C1QTNF7: variants seen among roughly 807,000 people sequenced by gnomAD.
C1QTNF7 encodes C1q and TNF related 7, also known as complement C1q tumor necrosis factor-related protein 7.
In C1QTNF7, 15 loss-of-function variants were observed where a neutral mutation model predicts 19.6. The ratio of observed to expected loss-of-function variants is 0.76; its 90% CI spans 0.51 to 1.18. The LOEUF is 1.18. Among genes scored for constraint, C1QTNF7 ranks in the 50% most tolerant of loss-of-function variants. C1QTNF7 has a pLI of 0.00. For synonymous variants in C1QTNF7, 142 were observed against 137.5 expected (o/e 1.03, Z -0.23); for missense variants, 324 against 359.7 (o/e 0.90, Z 0.80).
At chr4:15,423,992 TG>T (rs1414802776), upstream of C1QTNF7, among the ~76,000 whole-genome samples, 1 of 152,242 alleles carries the variant, frequency 6.6e-6, no homozygotes, top group Non-Finnish European at 1.5e-5. Flanking sequence ...TGGTATTAAC[TG>T]TCCTTAATAT....
intron 1 of C1QTNF7, among the ~76,000 whole-genome samples, chr4:15,371,413 C>T (rs1279647300): frequency 1.3e-5 from 2 of 152,286 alleles, no homozygotes; most frequent in East Asian, 1.9e-4. Context: ...CCCCGGCTTG[C>T]CCCTGTCTAA....
intron 1 of C1QTNF7, among the ~76,000 whole-genome samples, chr4:15,400,819 T>G (rs1404089908): frequency 6.6e-6 from 1 of 152,244 alleles, no homozygotes; most frequent in African/African-American, 2.4e-5. Context: ...TTATGTTACA[T>G]GCTCACTATG....
intron 1 of C1QTNF7, chr4:15,381,705 A>C (rs894972930): frequency 1.3e-5 from 2 of 152,208 alleles, no homozygotes; most frequent in Non-Finnish European, 2.9e-5. Flanking sequence ...GGCTAGCATG[A>C]ACTAGACATT....
chr4:15,425,805 T>C (rs535880452), upstream of C1QTNF7, among the ~76,000 whole-genome samples: 3 of 152,304 alleles, frequency 2.0e-5, no homozygotes, highest in South Asian at 6.2e-4. Context: ...AGCTAGAACC[T>C]TCTTTTTAAA....
chr4:15,411,874 C>A (rs1467277044), intron 1 of C1QTNF7, among the ~76,000 whole-genome samples: 2 of 152,032 alleles, frequency 1.3e-5, no homozygotes, highest in African/African-American at 4.8e-5. Flanking sequence ...CAGGAGTCCC[C>A]AGTCCCTGAA....
At chr4:15,344,186 G>C (rs975898401) in intron 1 of C1QTNF7, among the ~76,000 whole-genome samples, 3 of 152,334 alleles carry the variant, frequency 2.0e-5, no homozygotes, top group Admixed American at 1.3e-4. Flanking sequence ...GATAAGCTTA[G>C]AGTACTTGAT....
At chr4:15,414,438 A>G (rs1419296405) in intron 1 of C1QTNF7, among the ~76,000 whole-genome samples, 1 of 152,194 alleles carries the variant, frequency 6.6e-6, no homozygotes, top group East Asian at 1.9e-4. Context: ...GCCCAATGAC[A>G]TCTCATAGTT....
intron 1 of C1QTNF7, among the ~76,000 whole-genome samples, chr4:15,404,052 C>G (rs1719093673): frequency 6.6e-6 from 1 of 152,112 alleles, no homozygotes; most frequent in East Asian, 1.9e-4. Context: ...TACAATGAAT[C>G]TATTTTAGGC....
chr4:15,420,140 C>T (rs1430350525), intron 1 of C1QTNF7: 1 of 152,404 alleles, frequency 6.6e-6, no homozygotes, highest in South Asian at 2.1e-4. Context: ...CTCCACCCCC[C>T]ATCCTTCTTC....
chr4:15,426,567 A>G (rs943276862), upstream of C1QTNF7, among the ~76,000 whole-genome samples: 4 of 152,374 alleles, frequency 2.6e-5, no homozygotes, highest in Admixed American at 1.3e-4. Flanking sequence ...GTGGTAAGTA[A>G]CATTAAAGAG....
chr4:15,415,148 A>G (rs1186756457), intron 1 of C1QTNF7, among the ~76,000 whole-genome samples: 2 of 152,146 alleles, frequency 1.3e-5, no homozygotes, highest in Non-Finnish European at 2.9e-5. Flanking sequence ...AAAATCCAAG[A>G]CTCTTTGCTT....
At chr4:15,414,057 C>T (rs934114748) in intron 1 of C1QTNF7, among the ~76,000 whole-genome samples, 3 of 152,164 alleles carry the variant, frequency 2.0e-5, no homozygotes, top group Admixed American at 2.0e-4. Flanking sequence ...TCAAGCGTTC[C>T]TCACTCATGG....
chr4:15,418,223 T>C (rs544868902), intron 1 of C1QTNF7, among the ~76,000 whole-genome samples: 1 of 152,180 alleles, frequency 6.6e-6, no homozygotes, highest in Admixed American at 6.5e-5. Flanking sequence ...CCCAACTTGC[T>C]CCCACCTCCC....
chr4:15,345,864 T>C (rs1716699150), intron 1 of C1QTNF7, among the ~76,000 whole-genome samples: 1 of 152,186 alleles, frequency 6.6e-6, no homozygotes, highest in Non-Finnish European at 1.5e-5. Context: ...TTTGTCCCTA[T>C]TGTTTAGATG....
chr4:15,425,436 G>A (rs1577276303), upstream of C1QTNF7, among the ~76,000 whole-genome samples: 1 of 152,158 alleles, frequency 6.6e-6, no homozygotes, highest in African/African-American at 2.4e-5. Flanking sequence ...AGGCATAGGG[G>A]AGACATGGTT....
intron 2 of C1QTNF7, among the ~76,000 whole-genome samples, chr4:15,438,478 C>A (rs1030012974): frequency 6.6e-6 from 1 of 152,182 alleles, no homozygotes; most frequent in African/African-American, 2.4e-5. Context: ...CTCACCACAT[C>A]CACCCCAACC....
chr4:15,400,512 A>C (rs543132188), intron 1 of C1QTNF7, among the ~76,000 whole-genome samples: 11 of 152,354 alleles, frequency 7.2e-5, no homozygotes, highest in African/African-American at 2.6e-4. Flanking sequence ...CTGCAACAAG[A>C]AACCCTAACT....
chr4:15,423,932 CTTTA>C (rs897090636), upstream of C1QTNF7, among the ~76,000 whole-genome samples: 1 of 152,204 alleles, frequency 6.6e-6, no homozygotes, highest in Non-Finnish European at 1.5e-5. Flanking sequence ...CCACAATATC[CTTTA>C]TTTTTTTCCT....
Position 15,442,308 on chromosome 4 carries a change from A to T in C1QTNF7, c.379A>T (p.Arg127Ter). The T allele has an allele frequency of 8.1e-6, 13 of 1,614,174 alleles. 1 individual carries two copies. The Middle Eastern group carries it at 2.1e-3, about 266-fold the overall frequency. ...TGGTCCTCCTGGACCAAAGGGAGACAGAGGAGAACAAGGGGACCCGGGGCT... is the reference window on the plus strand; with the variant it reads ...TGGTCCTCCTGGACCAAAGGGAGACTGAGGAGAACAAGGGGACCCGGGGCT... ...PIGPPGPKGD[R>*]GEQGDPGLPG... Residue 127 changes from arginine (R) to a stop codon, truncating the protein, a stop_gained, in exon 3 of 3, where the codon AGA becomes TGA. Coordinates refer to ENST00000444304, the MANE Select transcript of C1QTNF7 (RefSeq NM_031911.5). LOFTEE classifies it high-confidence loss of function.
Sources: gnomAD v4.1 joint callset for allele counts (sites outside exome capture counted in the v4.1 genomes callset) on GRCh38, gnomAD v4.1.1 for gene constraint, MANE v1.5 for transcripts, NCBI Gene and HGNC (gene_info 2026-07-23, HGNC 2026-07-21) for gene names.